The following WNT2 variants were observed in gnomAD, a reference collection of about 807,000 sequenced individuals.
WNT2 encodes protein Wnt-2.
Under a neutral mutation model 36.9 loss-of-function variants are expected in WNT2, and 12 were observed. That is an observed-to-expected ratio of 0.33 (90% CI 0.21 to 0.53). The LOEUF (loss-of-function observed/expected upper bound fraction) is 0.53. Among genes scored for constraint, WNT2 ranks in the 20% least tolerant of loss-of-function variants. The probability of loss-of-function intolerance (pLI) is 0.95; values close to 1 mark genes in which losing one functional copy is unlikely to be tolerated. For synonymous variants in WNT2, 163 were observed against 174.6 expected, an observed-to-expected ratio of 0.93 and a Z score of 0.52; for missense variants, 379 against 473.1, an observed-to-expected ratio of 0.80 and a Z score of 1.84.
In WNT2 at chr7:117,322,855, C is replaced by A; in HGVS notation, c.83+52G>T. On this transcript the variant is annotated intron_variant, in intron 1 of 4. Transcript: ENST00000265441. This position sits in a 1 kb window ranked among gnomAD's most constrained non-coding sequence, Gnocchi z 5.4. ...CCAGGAAGGGTCTATGTGGCCAATG[C>A]GGTCCCCATTCCGATCTCCAAAATC... 6.4e-7 allele frequency: 1 copy of A among 1,574,550 alleles called. No individual in the cohort carries two copies. The highest frequency in any genetic ancestry group is 8.7e-7 in the Non-Finnish European group (1 of 1,148,942).
At position 117,285,669 on chromosome 7, in the gene WNT2, A is replaced by C. The variant is rs184392715; in HGVS notation, c.854-7285T>G. On this transcript the variant is annotated intron_variant, in intron 4 of 4. Transcript: ENST00000265441. ...ACCGGTCCTATCATTAGAGTCTCCC[A>C]AATTGATACTTTAAAAGGATAAACA... is the stretch of plus-strand genomic sequence containing the variant. Among the ~76,000 whole-genome samples, 8 of 152,344 alleles carry C rather than the reference A, an allele frequency of 5.3e-5. No individual in the cohort carries two copies. In the East Asian group the frequency reaches 1.3e-3, roughly 26 times the overall value.
intron 3 of WNT2, among the ~76,000 whole-genome samples, chr7:117,311,975 A>G (rs1221434521): frequency 1.3e-5 from 2 of 152,226 alleles, no homozygotes; most frequent in African/African-American, 4.8e-5. Context: ...AAGTATTTTC[A>G]TGGAATTCCT....
At chr7:117,315,824 G>A (rs997667784) in intron 2 of WNT2, among the ~76,000 whole-genome samples, 1 of 152,208 alleles carries the variant, frequency 6.6e-6, no homozygotes, top group Non-Finnish European at 1.5e-5. Flanking sequence ...AGGACTTACT[G>A]AAGATACTCA....
At chr7:117,279,174 G>C (rs1443448781) in intron 4 of WNT2, among the ~76,000 whole-genome samples, 1 of 152,176 alleles carries the variant, frequency 6.6e-6, no homozygotes, top group African/African-American at 2.4e-5. Context: ...TTAAGTATTT[G>C]TTTCTGAAAA....
chr7:117,323,042 G>T lies in WNT2; in HGVS notation c.-53C>A. 2 of 1,524,276 alleles carry T rather than the reference G, an allele frequency of 1.3e-6. No individual in the cohort carries two copies. Among genetic ancestry groups the T allele is most frequent in the Non-Finnish European group, 1.8e-6 (2 of 1,125,498 alleles). 94.4% of individuals were successfully genotyped at this position (1,524,276 alleles called of 1,614,324 possible). ...CAGACTCCGTGTGCGGGCGCCATGC[G>T]TGCCCAGAGCAGAAGCGCTCAGCTC... On this transcript the variant is annotated 5_prime_UTR_variant, in exon 1 of 5. Coordinates refer to ENST00000265441, the MANE Select transcript of WNT2 (RefSeq NM_003391.3).
intron 4 of WNT2, among the ~76,000 whole-genome samples, chr7:117,286,170 G>T (rs1794575336): frequency 6.6e-6 from 1 of 152,142 alleles, no homozygotes; most frequent in Non-Finnish European, 1.5e-5. Flanking sequence ...ACATAAGTTT[G>T]GGACCATGTA....
intron 4 of WNT2, among the ~76,000 whole-genome samples, chr7:117,293,011 A>G (rs1056337289): frequency 6.6e-6 from 1 of 152,150 alleles, no homozygotes; most frequent in Non-Finnish European, 1.5e-5. Context: ...GGACTCAGCC[A>G]CTTGGGAAGC....
chr7:117,310,209 C>T (rs1584692796), intron 3 of WNT2, among the ~76,000 whole-genome samples: 1 of 152,270 alleles, frequency 6.6e-6, no homozygotes, highest in East Asian at 1.9e-4. Flanking sequence ...AACTTTCTCT[C>T]CCACTGTTCA....
chr7:117,320,763 C>T lies in WNT2; in HGVS notation c.114G>A (p.Arg38=). Reference sequence around the variant, plus strand: ...GGCCTGGCACATTATCGCACATCACCCTGGAGGAGCCACCTGTAGCTCTCA... The same window carrying T: ...GGCCTGGCACATTATCGCACATCACTCTGGAGGAGCCACCTGTAGCTCTCA... ...WYMRATGGSS[R]VMCDNVPGLV... is the part of the protein sequence containing the mutation. Residue 38 remains arginine, a synonymous_variant, in exon 2 of 5, where the codon AGG becomes AGA. Transcript: ENST00000265441. 1.2e-6 allele frequency: 2 copies of T among 1,612,762 alleles called. No homozygotes were observed. Among genetic ancestry groups the T allele is most frequent in the Non-Finnish European group, 1.7e-6 (2 of 1,179,884 alleles).
chr7:117,286,386 G>C (rs576684252), intron 4 of WNT2, among the ~76,000 whole-genome samples: 39 of 152,008 alleles, frequency 2.6e-4, no homozygotes, highest in African/African-American at 7.7e-4. Context: ...GGAGGAAGGG[G>C]TCCCTCCTCT....
chr7:117,322,777 T>TA lies in WNT2; in HGVS notation c.83+129dup. The TA allele has an allele frequency of 1.2e-6, 1 of 848,792 alleles. No homozygotes were observed. Among genetic ancestry groups the TA allele is most frequent in the East Asian group, 2.6e-5 (1 of 38,332 alleles). 52.6% of individuals were successfully genotyped at this position (848,792 alleles called of 1,614,324 possible). ...TCACCATGGGGCGATAAGAGGGCAG[T>TA]AGCCAGGGTTCGGGCCAGAATCCGA... On this transcript the variant is annotated intron_variant, in intron 1 of 4. Transcript: ENST00000265441. This position sits in a 1 kb window ranked among gnomAD's most constrained non-coding sequence, Gnocchi z 5.4.
At chr7:117,295,322 T>C (rs1279507312) in intron 4 of WNT2, among the ~76,000 whole-genome samples, 1 of 152,182 alleles carries the variant, frequency 6.6e-6, no homozygotes, top group Non-Finnish European at 1.5e-5. Context: ...AATGAGAGAA[T>C]GTAGCTGCAG....
In WNT2 at chr7:117,289,051, C is replaced by CTTT. The variant is rs1187027317; in HGVS notation, c.853+8558_853+8560dup. Reference sequence around the variant, plus strand: ...TGCTGATGCATTAGTTCACGTTAGACTTTTTTTTTTTTTTTTTTTTTTTTT... The same window carrying CTTT: ...TGCTGATGCATTAGTTCACGTTAGACTTTTTTTTTTTTTTTTTTTTTTTTTTTT... On this transcript the variant is annotated intron_variant, in intron 4 of 4. Transcript: ENST00000265441. Among the ~76,000 whole-genome samples the CTTT allele has an allele frequency of 3.2e-3, 289 of 89,446 alleles. 32 individuals carry two copies. Among genetic ancestry groups the CTTT allele is most frequent in the African/African-American group, 0.012 (249 of 20,782 alleles). 58.7% of individuals were successfully genotyped at this position (89,446 alleles called of 152,430 possible).
chr7:117,304,056 T>C (rs964532049), intron 3 of WNT2, among the ~76,000 whole-genome samples: 2 of 152,220 alleles, frequency 1.3e-5, no homozygotes, highest in African/African-American at 4.8e-5. Flanking sequence ...GTATTCCTCC[T>C]TTTTGCTGCA....
chr7:117,282,968 G>C lies in WNT2; in HGVS notation c.854-4584C>G, dbSNP rs1483585490. Reference sequence around the variant, plus strand: ...GACATGGTGACTGAGTGGAGACTGGGGGAGGATGAGAAAAGTCAAGGTTTC... The same window carrying C: ...GACATGGTGACTGAGTGGAGACTGGCGGAGGATGAGAAAAGTCAAGGTTTC... On this transcript the variant is annotated intron_variant, in intron 4 of 4. Coordinates refer to ENST00000265441, the MANE Select transcript of WNT2 (RefSeq NM_003391.3). 2.0e-5 allele frequency among the ~76,000 whole-genome samples: 3 copies of C among 152,266 alleles called. 1 individual carries two copies. Among genetic ancestry groups the C allele is most frequent in the Admixed American group, 1.3e-4 (2 of 15,304 alleles).
Position 117,277,927 on chromosome 7 carries a change from G to A in WNT2, c.*228C>T. 7.0e-6 allele frequency: 4 copies of A among 567,452 alleles called. No homozygotes were observed. The highest frequency in any genetic ancestry group is 2.9e-5 in the East Asian group (1 of 33,946). The allele number at this position is 567,452 out of a possible 1,614,324, so 35.2% of individuals were successfully genotyped here. A position where few individuals can be genotyped will look rare whatever the true frequency, so the allele number is the denominator to read the frequency against. On this transcript the variant is annotated 3_prime_UTR_variant, in exon 5 of 5. Coordinates refer to ENST00000265441, the MANE Select transcript of WNT2 (RefSeq NM_003391.3). ...ATTTCCAAAGAGAACTCGCCAGGAG[G>A]GGAGATGACTGCAGAACACCAGGAG...
At chr7:117,283,888 T>C (rs1224517870) in intron 4 of WNT2, among the ~76,000 whole-genome samples, 1 of 150,866 alleles carries the variant, frequency 6.6e-6, no homozygotes, top group Non-Finnish European at 1.5e-5. Flanking sequence ...TGAGAGAGGG[T>C]TTTTGAGGAT....
Position 117,322,536 on chromosome 7 carries a change from TACAC to T in WNT2, c.83+367_83+370del, listed in dbSNP as rs144898264. On this transcript the variant is annotated intron_variant, in intron 1 of 4. Coordinates refer to ENST00000265441, the MANE Select transcript of WNT2 (RefSeq NM_003391.3). This position sits in a 1 kb window ranked among gnomAD's most constrained non-coding sequence, Gnocchi z 5.4. ...GCGGTTGTAGTTTTCAAGGTGAATT[TACAC>T]ACACACACACACACACACACACACA... Among the ~76,000 whole-genome samples, 275 of 127,992 alleles carry T rather than the reference TACAC, an allele frequency of 2.1e-3. 3 individuals are homozygous for T. The South Asian group carries it at 0.028, about 13-fold the overall frequency. The allele number at this position is 127,992 out of a possible 152,430, so 84.0% of individuals were successfully genotyped here.
At chr7:117,319,137 C>T (rs557156925) in intron 2 of WNT2, among the ~76,000 whole-genome samples, 177 of 152,290 alleles carry the variant, frequency 1.2e-3, no homozygotes, top group Middle Eastern at 3.4e-3. Flanking sequence ...CCAAAGATTA[C>T]TCGTGCTAGA....
Sources: allele counts gnomAD v4.1 joint callset (sites outside exome capture counted in the v4.1 genomes callset), GRCh38; gene constraint gnomAD v4.1.1; non-coding constraint Gnocchi (gnomAD v3.1); transcripts MANE v1.5; gene names NCBI Gene and HGNC (gene_info 2026-07-23, HGNC 2026-07-21).